The following METTL16 variants were observed in gnomAD, a reference collection of about 807,000 sequenced individuals.
METTL16 encodes RNA N(6)-adenosine-methyltransferase METTL16.
In METTL16, 19 loss-of-function variants were observed where a neutral mutation model predicts 57.9. The ratio of observed to expected loss-of-function variants is 0.33; its 90% confidence interval spans 0.23 to 0.48. The LOEUF (loss-of-function observed/expected upper bound fraction) is 0.48, where lower values mean the gene tolerates loss of function less well. Among genes scored for constraint, METTL16 ranks in the 20% least tolerant of loss-of-function variants. The pLI is 0.99. For missense variants in METTL16, 434 were observed against 691.5 expected (o/e 0.63, Z 4.18); for synonymous variants, 246 against 255.6 (o/e 0.96, Z 0.36).
Position 2,480,614 on chromosome 17 carries a change from A to G in METTL16, c.129-2729T>C, listed in dbSNP as rs181780689. ...AATTGGAAAGGGAAGTACAAGATAA[A>G]CCCGAAGCATTTTATTGTATTAGAA... is the stretch of plus-strand genomic sequence containing the variant. On this transcript the variant is annotated intron_variant, in intron 2 of 9. Transcript: ENST00000263092. Among the ~76,000 whole-genome samples the G allele has an allele frequency of 3.3e-5, 5 of 152,326 alleles. No homozygotes were observed. The East Asian group carries it at 9.6e-4, about 29-fold the overall frequency.
intron 6 of METTL16, among the ~76,000 whole-genome samples, chr17:2,447,699 G>T (rs1418006533): frequency 1.4e-5 from 2 of 143,472 alleles, no homozygotes; most frequent in East Asian, 2.1e-4. Context: ...CGTCCGGGAG[G>T]GGGGAGGGGG....
intron 8 of METTL16, among the ~76,000 whole-genome samples, chr17:2,430,927 G>A (rs955315449): frequency 4.6e-5 from 7 of 151,704 alleles, no homozygotes; most frequent in African/African-American, 1.7e-4. Context: ...CTTCTTTCAT[G>A]TAAATTATTA....
At chr17:2,509,260 G>A (rs1047869504) in intron 1 of METTL16, among the ~76,000 whole-genome samples, 1 of 152,076 alleles carries the variant, frequency 6.6e-6, no homozygotes, top group African/African-American at 2.4e-5. Flanking sequence ...GAATTTGAGG[G>A]GATTAGTAGT....
rs1345453853 is a variant in METTL16 at position 2,497,137 on chromosome 17, C to G, written c.128+5067G>C. The stretch of plus-strand genomic sequence containing the variant: ...TCTCCTGCCTCAGCCTCCCGAGTAG[C>G]TGGGATCACAAGTGCGCACCATCAC... On this transcript the variant is annotated intron_variant, in intron 2 of 9. Coordinates refer to ENST00000263092, the MANE Select transcript of METTL16 (RefSeq NM_024086.4). 1.3e-5 allele frequency among the ~76,000 whole-genome samples: 2 copies of G among 151,182 alleles called. 1 individual carries two copies. The highest frequency in any genetic ancestry group is 4.9e-5 in the African/African-American group (2 of 40,618).
intron 1 of METTL16, among the ~76,000 whole-genome samples, chr17:2,507,427 T>C (rs1340480915): frequency 1.7e-3 from 179 of 107,952 alleles, no homozygotes; most frequent in Non-Finnish European, 2.1e-3. Flanking sequence ...AGGTGAGGGG[T>C]GCCTCTGCCC....
At chr17:2,451,641 A>AAAAG (rs1403692807) in intron 6 of METTL16, among the ~76,000 whole-genome samples, 1 of 151,746 alleles carries the variant, frequency 6.6e-6, no homozygotes, top group Non-Finnish European at 1.5e-5. Flanking sequence ...AAAAGAAAAG[A>AAAAG]AAAGAAAGAA....
In METTL16 at chr17:2,497,470, G is replaced by A. The variant is rs548718754; in HGVS notation, c.128+4734C>T. Among the ~76,000 whole-genome samples the A allele has an allele frequency of 8.6e-5, 13 of 151,034 alleles. No individual in the cohort carries two copies. The East Asian group carries it at 1.6e-3, about 18-fold the overall frequency. ...TGAGATTACAGGCATATGCCACCAC[G>A]CCCGGCTCATTTTTGTACTTTTAGC... On this transcript the variant is annotated intron_variant, in intron 2 of 9. Coordinates refer to ENST00000263092, the MANE Select transcript of METTL16 (RefSeq NM_024086.4).
chr17:2,459,342 T>C (rs181640616), intron 6 of METTL16, among the ~76,000 whole-genome samples: 196 of 152,308 alleles, frequency 1.3e-3, no homozygotes, highest in Admixed American at 2.2e-3. Context: ...GTTGGATAAC[T>C]TTACCTCTCA....
At position 2,429,515 on chromosome 17, in the gene METTL16, T is replaced by C. The variant is rs544355039; in HGVS notation, c.888+8594A>G. 5.1e-4 allele frequency among the ~76,000 whole-genome samples: 77 copies of C among 150,928 alleles called. No homozygotes were observed. In the Admixed American group the frequency reaches 5.2e-3, roughly 10 times the overall value. ...GAATCAAACATTTATCCGGCTTTAC[T>C]AGATGAACTGTACTTCAAAGTTACT... is the stretch of plus-strand genomic sequence containing the variant. On this transcript the variant is annotated intron_variant, in intron 8 of 9. Coordinates refer to ENST00000263092, the MANE Select transcript of METTL16 (RefSeq NM_024086.4).
At chr17:2,449,715 G>A (rs2067054325) in intron 6 of METTL16, among the ~76,000 whole-genome samples, 1 of 152,074 alleles carries the variant, frequency 6.6e-6, no homozygotes, top group African/African-American at 2.4e-5. Flanking sequence ...CTAAAGGTTT[G>A]GTCTTTTTAA....
chr17:2,432,074 A>G (rs2066877344), intron 8 of METTL16, among the ~76,000 whole-genome samples: 1 of 152,058 alleles, frequency 6.6e-6, no homozygotes, highest in Admixed American at 6.5e-5. Context: ...CCTCTGGGGT[A>G]GCTGGGACTA....
chr17:2,428,005 G>A (rs1751757591), intron 8 of METTL16, among the ~76,000 whole-genome samples: 1 of 150,652 alleles, frequency 6.6e-6, no homozygotes, highest in East Asian at 2.0e-4. Context: ...AGGGAGGGAG[G>A]GAGGAAGTGG....
chr17:2,501,617 T>C (rs1457222379), intron 2 of METTL16, among the ~76,000 whole-genome samples: 1 of 152,136 alleles, frequency 6.6e-6, no homozygotes, highest in African/African-American at 2.4e-5. Context: ...CCCAGCACTT[T>C]GGGAGGCCAA....
intron 4 of METTL16, among the ~76,000 whole-genome samples, chr17:2,470,610 AC>A (rs2067229002): frequency 6.6e-6 from 1 of 152,142 alleles, no homozygotes. Context: ...GGAGTTCAAG[AC>A]CAGCCTGGGC....
chr17:2,448,723 C>A, intron 6 of METTL16, among the ~76,000 whole-genome samples: 1 of 105,270 alleles, frequency 9.5e-6, no homozygotes, highest in African/African-American at 4.1e-5. Context: ...CTGCGAGAAA[C>A]ACCCAAGAAT....
At chr17:2,494,066 G>C (rs911608887) in intron 2 of METTL16, among the ~76,000 whole-genome samples, 1 of 151,938 alleles carries the variant, frequency 6.6e-6, no homozygotes, top group African/African-American at 2.4e-5. Flanking sequence ...TTTTGTTTTT[G>C]ACAGAGTCTC....
Position 2,507,379 on chromosome 17 carries a change from G to A in METTL16, c.-1+4380C>T, listed in dbSNP as rs1214177114. Among the ~76,000 whole-genome samples, 7 of 148,698 alleles carry A rather than the reference G, an allele frequency of 4.7e-5. No homozygotes were observed. In the East Asian group the frequency reaches 1.4e-3, roughly 31 times the overall value. On this transcript the variant is annotated intron_variant, in intron 1 of 9. Transcript: ENST00000263092. ...CCACCCCGTCCGGGAGGGAGGTGGG[G>A]GGGTCAGCCCCCAGCCCGGCCAGCC...
At chr17:2,450,940 A>G (rs558542382) in intron 6 of METTL16, among the ~76,000 whole-genome samples, 2 of 152,336 alleles carry the variant, frequency 1.3e-5, no homozygotes, top group African/African-American at 2.4e-5. Context: ...AAAATCACCA[A>G]TTAGGTTAAA....
rs550615426 is a variant in METTL16 at position 2,487,308 on chromosome 17, G to A, written c.129-9423C>T. Among the ~76,000 whole-genome samples, 9 of 152,300 alleles carry A rather than the reference G, an allele frequency of 5.9e-5. No homozygotes were observed. The South Asian group carries it at 1.9e-3, about 32-fold the overall frequency. On this transcript the variant is annotated intron_variant, in intron 2 of 9. Transcript: ENST00000263092. ...AGCGGAGATGGAGCCCAGAGAAGAG[G>A]TGTGTAGAAATAAACATGTAAGTGA...
Sources: allele counts gnomAD v4.1 joint callset (sites outside exome capture counted in the v4.1 genomes callset), GRCh38; gene constraint gnomAD v4.1.1; transcripts MANE v1.5; gene names NCBI Gene and HGNC (gene_info 2026-07-23, HGNC 2026-07-21).